Variants in MITF observed in about 807,000 individuals in gnomAD.
MITF encodes the protein melanocyte inducing transcription factor, also known as microphthalmia-associated transcription factor.
In MITF, 17 loss-of-function variants were observed where a neutral mutation model predicts 60.5. That is an observed-to-expected ratio of 0.28 (90% CI 0.19 to 0.42). MITF has a LOEUF of 0.42. Ranked by LOEUF, MITF falls within the 10% of genes least tolerant of loss-of-function variation. The pLI is 1.00. For synonymous variants in MITF, 260 were observed against 248.5 expected (o/e 1.05, Z -0.43); for missense variants, 622 against 683.5 (o/e 0.91, Z 1.00).
intron 2 of MITF, among the ~76,000 whole-genome samples, chr3:69,905,628 A>G (rs1365875682): frequency 6.6e-6 from 1 of 152,028 alleles, no homozygotes; most frequent in African/African-American, 2.4e-5. Context: ...ATTTCCTTAT[A>G]TCCTCTCCCA....
At chr3:69,750,184 G>T (rs1703877404) in intron 1 of MITF, among the ~76,000 whole-genome samples, 1 of 152,004 alleles carries the variant, frequency 6.6e-6, no homozygotes, top group Non-Finnish European at 1.5e-5. Context: ...TCATATACCT[G>T]ATACCTTTCT....
At chr3:69,768,766 A>G (rs2062342847) in intron 1 of MITF, among the ~76,000 whole-genome samples, 1 of 152,212 alleles carries the variant, frequency 6.6e-6, no homozygotes, top group Non-Finnish European at 1.5e-5. Context: ...CACATTCCCT[A>G]TCCAACCCAG....
At chr3:69,820,874 C>T (rs1244864203) in intron 1 of MITF, among the ~76,000 whole-genome samples, 4 of 152,038 alleles carry the variant, frequency 2.6e-5, no homozygotes, top group Non-Finnish European at 5.9e-5. Flanking sequence ...TTATAGGCCA[C>T]ATATATACAC....
chr3:69,855,698 A>G (rs1020627906), intron 1 of MITF, among the ~76,000 whole-genome samples: 1 of 152,128 alleles, frequency 6.6e-6, no homozygotes, highest in Non-Finnish European at 1.5e-5. Context: ...GTACTTCATT[A>G]TGAAATTAGA....
chr3:69,903,548 G>A (rs756466273), intron 2 of MITF, among the ~76,000 whole-genome samples: 1 of 152,122 alleles, frequency 6.6e-6, no homozygotes, highest in African/African-American at 2.4e-5. Context: ...TCATGAGGTA[G>A]CTAGGGTCAT....
At chr3:69,777,806 T>C (rs571720320) in intron 1 of MITF, among the ~76,000 whole-genome samples, 9 of 152,212 alleles carry the variant, frequency 5.9e-5, no homozygotes, top group Admixed American at 5.9e-4. Context: ...GAAGGGAAGA[T>C]AAATTCAAGT....
intron 1 of MITF, among the ~76,000 whole-genome samples, chr3:69,766,714 A>G (rs1193354621): frequency 6.6e-6 from 1 of 152,128 alleles, no homozygotes; most frequent in East Asian, 1.9e-4. Context: ...TAAAGATGGG[A>G]TCAGGGATAA....
intron 1 of MITF, among the ~76,000 whole-genome samples, chr3:69,754,305 C>T (rs1185499803): frequency 6.6e-6 from 1 of 152,012 alleles, no homozygotes; most frequent in African/African-American, 2.4e-5. Context: ...CAACCTCCAC[C>T]TCCTGGGTTC....
At chr3:69,819,520 T>C (rs953995989) in intron 1 of MITF, among the ~76,000 whole-genome samples, 61 of 152,320 alleles carry the variant, frequency 4.0e-4, no homozygotes, top group African/African-American at 1.4e-3. Context: ...AGTGTGAACT[T>C]GTCCAGGAAG....
At chr3:69,778,367 T>C (rs1360516235) in intron 1 of MITF, among the ~76,000 whole-genome samples, 1 of 152,170 alleles carries the variant, frequency 6.6e-6, no homozygotes, top group Non-Finnish European at 1.5e-5. Flanking sequence ...GGGTAGAACC[T>C]GTGTTTCAGT....
intron 1 of MITF, among the ~76,000 whole-genome samples, chr3:69,749,339 T>C (rs1419044631): frequency 6.6e-6 from 1 of 152,222 alleles, no homozygotes; most frequent in Admixed American, 6.5e-5. Context: ...TGTTTTGTTT[T>C]TAGCATTTGA....
At chr3:69,808,298 T>C (rs1393573317) in intron 1 of MITF, among the ~76,000 whole-genome samples, 2 of 152,056 alleles carry the variant, frequency 1.3e-5, no homozygotes, top group East Asian at 1.9e-4. Flanking sequence ...TTCAGTTATA[T>C]GCCTTTGAGA....
intron 2 of MITF, among the ~76,000 whole-genome samples, chr3:69,892,275 T>A (rs1330280777): frequency 1.3e-5 from 2 of 152,226 alleles, no homozygotes; most frequent in Non-Finnish European, 2.9e-5. Flanking sequence ...AAAAATATTA[T>A]TTTTTGTTTT....
chr3:69,855,418 A>T (rs963556717), intron 1 of MITF, among the ~76,000 whole-genome samples: 1 of 152,154 alleles, frequency 6.6e-6, no homozygotes, highest in Non-Finnish European at 1.5e-5. Flanking sequence ...TTATAGTATT[A>T]TTGATACTTT....
At chr3:69,808,356 G>T (rs1001714302) in intron 1 of MITF, among the ~76,000 whole-genome samples, 15 of 152,034 alleles carry the variant, frequency 9.9e-5, no homozygotes, top group Middle Eastern at 3.2e-3. Context: ...GTATAAACTG[G>T]AACTATCTCA....
intron 1 of MITF, among the ~76,000 whole-genome samples, chr3:69,875,508 G>T (rs1484473927): frequency 6.6e-6 from 1 of 152,180 alleles, no homozygotes; most frequent in Non-Finnish European, 1.5e-5. Context: ...TGATTAAAAG[G>T]AATCAGACTC....
intron 1 of MITF, among the ~76,000 whole-genome samples, chr3:69,742,301 G>T (rs960422329): frequency 6.6e-6 from 1 of 152,104 alleles, no homozygotes; most frequent in African/African-American, 2.4e-5. Flanking sequence ...CAGAGATGCT[G>T]CTAAACATCT....
chr3:69,811,182 A>G (rs992927845), intron 1 of MITF, among the ~76,000 whole-genome samples: 3 of 152,198 alleles, frequency 2.0e-5, no homozygotes, highest in Non-Finnish European at 4.4e-5. Flanking sequence ...TATTTGTTTT[A>G]AAAGCTCCTA....
chr3:69,930,025 A>G (rs1371797545), intron 2 of MITF, among the ~76,000 whole-genome samples: 1 of 152,168 alleles, frequency 6.6e-6, no homozygotes, highest in Non-Finnish European at 1.5e-5. Context: ...GCAATTTTCT[A>G]TGTTTCAACC....
Sources: allele counts gnomAD v4.1 joint callset (sites outside exome capture counted in the v4.1 genomes callset), GRCh38; gene constraint gnomAD v4.1.1; transcripts MANE v1.5; gene names NCBI Gene and HGNC (gene_info 2026-07-23, HGNC 2026-07-21).